PNKP: variants seen among roughly 807,000 people sequenced by gnomAD.
PNKP encodes bifunctional polynucleotide phosphatase/kinase.
A neutral mutation model predicts 66.2 loss-of-function variants in PNKP; 82 were observed. That is an observed-to-expected ratio of 1.24 (90% CI 1.04 to 1.49). The LOEUF is 1.49. PNKP is among the 40% of genes most tolerant of loss of function. The pLI, the probability that PNKP is intolerant of heterozygous loss-of-function variation, is 0.00. For missense variants in PNKP, 907 were observed against 706.8 expected (o/e 1.28, Z -3.21); for synonymous variants, 412 against 298.9 (o/e 1.38, Z -3.90).
chr19:49,867,216 G>A lies in PNKP; in HGVS notation c.-12C>T, dbSNP rs1362170800. 1.2e-6 allele frequency: 2 copies of A among 1,607,250 alleles called. No homozygotes were observed. Among genetic ancestry groups the A allele is most frequent in the East Asian group, 2.2e-5 (1 of 44,612 alleles). ...TCCACCTCGCCCATCCTGGGTGCCG[G>A]CCTGGGGAGCAGGTAAACGGGCTTG... is the stretch of plus-strand genomic sequence containing the variant. On this transcript the variant is annotated splice_region_variant and 5_prime_UTR_variant, in exon 2 of 17. Coordinates refer to ENST00000322344, the MANE Select transcript of PNKP (RefSeq NM_007254.4).
chr19:49,861,765 A>ACGCTACCTGGCGCGGCT lies in PNKP; in HGVS notation c.1288_1298+6dup, dbSNP rs1555810844. On this transcript the variant is annotated splice_region_variant and intron_variant, in intron 14 of 16. Transcript: ENST00000322344. ...GCAGGCCACCTACGGCCCCGCGGTC[A>ACGCTACCTGGCGCGGCT]CGCTACCTGGCGCGGCTCGCGGCGT... The ACGCTACCTGGCGCGGCT allele has an allele frequency of 2.3e-5, 36 of 1,566,646 alleles. No individual in the cohort carries two copies. In the African/African-American group the frequency reaches 4.1e-4, roughly 18 times the overall value.
At position 49,865,400 on chromosome 19, in the gene PNKP, C is replaced by T; in HGVS notation, c.225G>A (p.Gly75=). The change falls in exon 4 of 17, where the codon GGG becomes GGA. Residue 75 remains glycine, a synonymous_variant. Transcript: ENST00000322344. ...CCAACCCCGGCTTCAACTCCTGGGTCCCGGTAGTTGAGGGGTTAACTCCCA... is the reference window on the plus strand; with the variant it reads ...CCAACCCCGGCTTCAACTCCTGGGTTCCGGTAGTTGAGGGGTTAACTCCCA... ...KQLGVNPSTT[G]TQELKPGLEG... is the part of the protein sequence containing the mutation. The T allele has an allele frequency of 1.2e-6, 2 of 1,611,208 alleles. No individual in the cohort carries two copies. The highest frequency in any genetic ancestry group is 2.2e-5 in the East Asian group (1 of 44,756).
rs3739184 is a variant in PNKP, at chr19:49,864,430, G to A, written c.499-27C>T. On this transcript the variant is annotated intron_variant, in intron 4 of 16. Transcript: ENST00000322344. ...TGGTGTCACCAAGGAAAGACAAACA[G>A]CAGCACTGTGATACCTCTGACCCTC... 1.8e-4 allele frequency: 288 copies of A among 1,561,248 alleles called. 1 individual carries two copies. Among genetic ancestry groups the A allele is most frequent in the Admixed American group, 3.3e-4 (20 of 59,952 alleles).
chr19:49,866,870 C>A, intron 2 of PNKP, 184 bp downstream of exon 2: 1 of 683,052 alleles, frequency 1.5e-6, no homozygotes. Flanking sequence ...GATCCCCTCT[C>A]CCCCAAAGGA....
intron 8 of PNKP, 100 bp from the exon 9 acceptor site, chr19:49,862,838 G>C (rs2074788810): frequency 3.9e-6 from 5 of 1,274,708 alleles, no homozygotes; most frequent in Non-Finnish European, 5.7e-6. Context: ...CCCACATCAG[G>C]AATCATCCCC....
intron 3 of PNKP, 26 bp from the exon 4 acceptor site, chr19:49,865,452 G>A (rs2074811369): frequency 3.2e-6 from 5 of 1,542,600 alleles, no homozygotes; most frequent in Non-Finnish European, 4.4e-6. Context: ...GAGGAGCTGG[G>A]ACTGGCTCCG....
At chr19:49,867,434 G>T in intron 1 of PNKP, 35 bp downstream of exon 1, 1 of 595,026 alleles carries the variant, frequency 1.7e-6, no homozygotes, top group Non-Finnish European at 3.0e-6. Flanking sequence ...CAGGCAGAGA[G>T]CCTCGCACAT....
rs143390809 is a variant in PNKP at position 49,861,777 on chromosome 19, G to T, written c.1293C>A (p.Arg431=). 5.1e-6 allele frequency: 8 copies of T among 1,562,410 alleles called. No individual in the cohort carries two copies. The highest frequency in any genetic ancestry group is 6.9e-6 in the Non-Finnish European group (8 of 1,156,276). The change falls in exon 14 of 17, where the codon CGC becomes CGA. Residue 431 remains arginine, a synonymous_variant. Transcript: ENST00000322344. ...CGGCCCCGCGGTCACGCTACCTGGC[G>T]CGGCTCGCGGCGTCTGGGTTTGTGT... ...IDNTNPDAAS[R]ARYVQCARAA...
chr19:49,861,551 GGGA>G (rs1163279187), intron 15 of PNKP, 41 bp from the exon 16 acceptor site: 1 of 1,582,708 alleles, frequency 6.3e-7, no homozygotes, highest in Non-Finnish European at 8.6e-7. Flanking sequence ...CAGGGGTCAG[GGGA>G]GGAGGGGGGT....
intron 2 of PNKP, 23 bp downstream of exon 2, chr19:49,867,031 C>T (rs2122344505): frequency 1.2e-6 from 2 of 1,612,218 alleles, no homozygotes; most frequent in Non-Finnish European, 8.5e-7. Flanking sequence ...GGCCACACCC[C>T]CTCCAGCTCA....
At chr19:49,863,652 G>T in intron 8 of PNKP, 37 bp downstream of exon 8, 1 of 1,508,964 alleles carries the variant, frequency 6.6e-7, no homozygotes, top group Non-Finnish European at 9.0e-7. Context: ...GCTGGAGTGA[G>T]GAAAAGGAGG....
intron 13 of PNKP, 56 bp downstream of exon 13, chr19:49,861,986 TGA>T: frequency 6.2e-7 from 1 of 1,601,136 alleles, no homozygotes; most frequent in Non-Finnish European, 8.6e-7. Flanking sequence ...CCAAACCAGT[TGA>T]GAGGTGGAGA....
chr19:49,864,317 T>G lies in PNKP; in HGVS notation c.578+7A>C. 6.2e-7 allele frequency: 1 copy of G among 1,613,430 alleles called. No homozygotes were observed. Among genetic ancestry groups the G allele is most frequent in the Non-Finnish European group, 8.5e-7 (1 of 1,179,380 alleles). ...CTCACTCACTCCCTTGTTTTGCCTC[T>G]TATCACCTCCAGTCACTGGGGCCAG... On this transcript the variant is annotated splice_region_variant and intron_variant, in intron 5 of 16. Transcript: ENST00000322344.
In PNKP at chr19:49,862,469, G is replaced by A. The variant is rs933427634; in HGVS notation, c.937-6C>T. On this transcript the variant is annotated splice_polypyrimidine_tract_variant and splice_region_variant and intron_variant, in intron 10 of 16. Transcript: ENST00000322344. The stretch of plus-strand genomic sequence containing the variant: ...AGGCCAAGGTTGAGGGCAAACTAGG[G>A]GTTGAGGACGAACATCAGACACAGG... 7 of 1,592,676 alleles carry A rather than the reference G, an allele frequency of 4.4e-6. No individual in the cohort carries two copies. The highest frequency in any genetic ancestry group is 2.3e-5 in the East Asian group (1 of 43,868).
chr19:49,864,803 T>C (rs1025691686), intron 4 of PNKP, among the ~76,000 whole-genome samples: 2 of 152,162 alleles, frequency 1.3e-5, no homozygotes, highest in Non-Finnish European at 2.9e-5. Context: ...TTCAGCATCG[T>C]AGAGATGAGA....
At chr19:49,865,555 T>A in intron 3 of PNKP, 129 bp from the exon 4 acceptor site, 1 of 642,124 alleles carries the variant, frequency 1.6e-6, no homozygotes, top group Non-Finnish European at 2.8e-6. Context: ...CTCTTCACTT[T>A]GGAACGGGCT....
rs1001338139 is a variant in PNKP, at chr19:49,861,703, G to A, written c.1299-8C>T. ...CGGGCACACTGGACGTACCTGTGGG[G>A]GAAGGAGCTGGATGTGCAGGCCCCG... On this transcript the variant is annotated splice_polypyrimidine_tract_variant and splice_region_variant and intron_variant, in intron 14 of 16. Transcript: ENST00000322344. 9.7e-6 allele frequency: 15 copies of A among 1,548,336 alleles called. No homozygotes were observed. Among genetic ancestry groups the A allele is most frequent in the East Asian group, 2.4e-5 (1 of 40,904 alleles).
intron 1 of PNKP, 100 bp from the exon 2 acceptor site, chr19:49,867,317 A>C: frequency 1.6e-6 from 2 of 1,246,334 alleles, no homozygotes; most frequent in Non-Finnish European, 2.2e-6. Context: ...CCCACCATTA[A>C]CTGCTCCGGA....
Position 49,863,777 on chromosome 19 carries a change from G to GCC in PNKP, c.745-19_745-18dup. On this transcript the variant is annotated splice_polypyrimidine_tract_variant and intron_variant, in intron 7 of 16. Coordinates refer to ENST00000322344, the MANE Select transcript of PNKP (RefSeq NM_007254.4). ...CACCAGCACCTGTGGATGGGAGGGGGCCACCAGCTTTAGCTCCCCCTCAAG... is the reference window on the plus strand; with the variant it reads ...CACCAGCACCTGTGGATGGGAGGGGGCCCCACCAGCTTTAGCTCCCCCTCAAG... 6.4e-7 allele frequency: 1 copy of GCC among 1,554,466 alleles called. No individual in the cohort carries two copies. The highest frequency in any genetic ancestry group is 8.7e-7 in the Non-Finnish European group (1 of 1,148,042).
Sources: allele counts gnomAD v4.1 joint callset (sites outside exome capture counted in the v4.1 genomes callset), GRCh38; gene constraint gnomAD v4.1.1; transcripts MANE v1.5; gene names NCBI Gene and HGNC (gene_info 2026-07-23, HGNC 2026-07-21).